PRELID2: variants seen among roughly 807,000 people sequenced by gnomAD.
PRELID2 encodes PRELI domain containing 2.
Under a neutral mutation model 28.4 loss-of-function variants are expected in PRELID2, and 25 were observed. The observed-to-expected ratio is 0.88, with a 90% confidence interval of 0.64 to 1.23. The LOEUF is 1.23. Among genes scored for constraint, PRELID2 ranks in the 50% most tolerant of loss-of-function variants. The probability of loss-of-function intolerance (pLI) is 0.00; values close to 1 mark genes in which losing one functional copy is unlikely to be tolerated. For missense variants in PRELID2, 201 were observed against 214.4 expected (o/e 0.94, Z 0.39); for synonymous variants, 76 against 71.6 (o/e 1.06, Z -0.31).
chr5:145,767,568 G>A (rs1757843549), intron 5 of PRELID2, among the ~76,000 whole-genome samples: 1 of 152,166 alleles, frequency 6.6e-6, no homozygotes, highest in South Asian at 2.1e-4. Context: ...GGTTCTGAGG[G>A]TCAAAGGCAA....
chr5:145,663,395 G>A (rs1347158), intron 1 of PRELID2, among the ~76,000 whole-genome samples: 9,704 of 152,096 alleles, frequency 0.064, 1,039 homozygotes, highest in African/African-American at 0.22. Flanking sequence ...GGTCACAATT[G>A]AAGAGAAACA....
intron 1 of PRELID2, among the ~76,000 whole-genome samples, chr5:145,722,104 C>A (rs1756006081): frequency 6.6e-6 from 1 of 151,974 alleles, no homozygotes; most frequent in Admixed American, 6.6e-5. Context: ...AGAAATGTAT[C>A]AAACATTAAA....
At chr5:145,768,929 CA>C (rs987129650) in intron 5 of PRELID2, among the ~76,000 whole-genome samples, 1 of 149,564 alleles carries the variant, frequency 6.7e-6, no homozygotes, top group African/African-American at 2.5e-5. Flanking sequence ...ATAAAATAAA[CA>C]AAAAAGAAAA....
the PRELID2 span, among the ~76,000 whole-genome samples, chr5:145,454,112 C>G: frequency 6.6e-6 from 1 of 152,142 alleles, no homozygotes; most frequent in Non-Finnish European, 1.5e-5. Context: ...TTCTCCACAT[C>G]CTCTCCAGCA....
At chr5:145,531,954 T>C (rs371528510) in intron 1 of PRELID2, among the ~76,000 whole-genome samples, 86 of 152,310 alleles carry the variant, frequency 5.6e-4, no homozygotes, top group African/African-American at 2.0e-3. Context: ...GGTTTGCTCC[T>C]AAGTAAAATG....
the PRELID2 span, among the ~76,000 whole-genome samples, chr5:145,366,443 T>C: frequency 2.0e-5 from 3 of 151,822 alleles, no homozygotes; most frequent in Admixed American, 1.3e-4. Context: ...AACATGTGAT[T>C]TGTCAAATCC....
At chr5:145,820,111 T>A (rs1754665589) in intron 2 of PRELID2, 93 bp from the exon 3 acceptor site, 1 of 584,180 alleles carries the variant, frequency 1.7e-6, no homozygotes, top group Non-Finnish European at 2.8e-6. Context: ...GTTTTTTTGT[T>A]TTTTGTTTTT....
chr5:145,797,848 A>T (rs1752872601), intron 4 of PRELID2, among the ~76,000 whole-genome samples: 1 of 152,016 alleles, frequency 6.6e-6, no homozygotes, highest in African/African-American at 2.4e-5. Context: ...CCAATCAAAG[A>T]AACAAAATAA....
chr5:145,419,574 GTTGT>G, the PRELID2 span, among the ~76,000 whole-genome samples: 1 of 143,298 alleles, frequency 7.0e-6, no homozygotes, highest in Non-Finnish European at 1.5e-5. Context: ...TTTTGATGGG[GTTGT>G]TTGTTTTTTT....
chr5:145,379,399 AG>A, the PRELID2 span, among the ~76,000 whole-genome samples: 1 of 152,072 alleles, frequency 6.6e-6, no homozygotes, highest in Non-Finnish European at 1.5e-5. Flanking sequence ...ATAAGGGGTG[AG>A]GGGCTCCTTC....
the PRELID2 span, among the ~76,000 whole-genome samples, chr5:145,417,677 C>A: frequency 2.0e-5 from 3 of 152,108 alleles, no homozygotes; most frequent in Non-Finnish European, 4.4e-5. Context: ...GCAGAAAAAG[C>A]CTTTGACAAA....
intron 1 of PRELID2, among the ~76,000 whole-genome samples, chr5:145,615,977 G>C (rs902937671): frequency 6.6e-6 from 1 of 152,176 alleles, no homozygotes; most frequent in Non-Finnish European, 1.5e-5. Context: ...GAAAAAGACT[G>C]TATCTTTCCT....
chr5:145,577,965 T>C (rs1218393570), intron 1 of PRELID2, among the ~76,000 whole-genome samples: 3 of 152,168 alleles, frequency 2.0e-5, no homozygotes, highest in Non-Finnish European at 2.9e-5. Flanking sequence ...ATGGAACTAA[T>C]CAATGACGAA....
intron 6 of PRELID2, among the ~76,000 whole-genome samples, chr5:145,763,271 T>C (rs1038165324): frequency 2.6e-5 from 4 of 152,206 alleles, no homozygotes; most frequent in Non-Finnish European, 4.4e-5. Context: ...ACAAATATGC[T>C]AGCCGAGAAA....
At chr5:145,386,208 C>T in the PRELID2 span, among the ~76,000 whole-genome samples, 1,335 of 151,976 alleles carry the variant, frequency 8.8e-3, 22 homozygotes, top group African/African-American at 0.03. Context: ...GGAAAATAAC[C>T]CTTATAAAAC....
chr5:145,602,298 G>C (rs992146239), intron 1 of PRELID2, among the ~76,000 whole-genome samples: 1 of 152,168 alleles, frequency 6.6e-6, no homozygotes, highest in Non-Finnish European at 1.5e-5. Context: ...TTTACTTTGT[G>C]CTAGCATCTG....
chr5:145,578,305 A>T (rs17103424), intron 1 of PRELID2, among the ~76,000 whole-genome samples: 3 of 151,980 alleles, frequency 2.0e-5, no homozygotes, highest in African/African-American at 7.3e-5. Context: ...TCCCCAACAT[A>T]CCAACTTTCA....
intron 1 of PRELID2, among the ~76,000 whole-genome samples, chr5:145,826,880 A>C (rs1755228858): frequency 6.6e-6 from 1 of 152,226 alleles, no homozygotes; most frequent in South Asian, 2.1e-4. Context: ...ATAAGCTTTC[A>C]GAAAGCCTAC....
chr5:145,515,548 G>A (rs111761123), intron 1 of PRELID2, among the ~76,000 whole-genome samples: 32,495 of 152,064 alleles, frequency 0.21, 3,975 homozygotes, highest in South Asian at 0.37. Flanking sequence ...TTCACAGATG[G>A]ATTCTACCCG....
Sources: gnomAD v4.1 joint callset for allele counts (sites outside exome capture counted in the v4.1 genomes callset) on GRCh38, gnomAD v4.1.1 for gene constraint, MANE v1.5 for transcripts, NCBI Gene and HGNC (gene_info 2026-07-23, HGNC 2026-07-21) for gene names.